The following SLAIN1 variants were observed in gnomAD, a reference collection of about 807,000 sequenced individuals.
The protein encoded by SLAIN1 is SLAIN family member 1, also known as SLAIN motif-containing protein 1.
Under a neutral mutation model 55.4 loss-of-function variants are expected in SLAIN1, and 17 were observed. The ratio of observed to expected loss-of-function variants is 0.31; its 90% CI spans 0.21 to 0.46. The LOEUF (loss-of-function observed/expected upper bound fraction) is 0.46, where lower values mean the gene tolerates loss of function less well. SLAIN1 is among the 20% of genes least tolerant of loss of function. The pLI, the probability that SLAIN1 is intolerant of heterozygous loss-of-function variation, is 1.00. For missense variants in SLAIN1, 682 were observed against 785.1 expected (o/e 0.87, Z 1.57); for synonymous variants, 348 against 337.4 (o/e 1.03, Z -0.35).
At chr13:77,761,263 A>G (rs1018188147) in intron 6 of SLAIN1, among the ~76,000 whole-genome samples, 153 bp downstream of exon 6, 1 of 152,126 alleles carries the variant, frequency 6.6e-6, no homozygotes, top group African/African-American at 2.4e-5. Context: ...AAAGTGATGG[A>G]TATCCCTGTG....
At chr13:77,753,912 C>T (rs1332807599) in intron 5 of SLAIN1, among the ~76,000 whole-genome samples, 2 of 152,154 alleles carry the variant, frequency 1.3e-5, no homozygotes, top group African/African-American at 4.8e-5. Context: ...GCTTACCCCA[C>T]ATTCTGTTAC....
intron 1 of SLAIN1, among the ~76,000 whole-genome samples, chr13:77,719,330 T>C (rs1217257950): frequency 6.6e-6 from 1 of 152,086 alleles, no homozygotes; most frequent in Non-Finnish European, 1.5e-5. Context: ...TAGACCTTTT[T>C]TTGGAAGTTC....
chr13:77,712,036 T>A (rs182985012), intron 1 of SLAIN1, among the ~76,000 whole-genome samples: 1 of 152,308 alleles, frequency 6.6e-6, no homozygotes, highest in Non-Finnish European at 1.5e-5. Context: ...GCTTAAAAAC[T>A]CTCAATAAAC....
At chr13:77,711,227 G>A (rs1383824708) in intron 1 of SLAIN1, among the ~76,000 whole-genome samples, 1 of 151,852 alleles carries the variant, frequency 6.6e-6, no homozygotes, top group Non-Finnish European at 1.5e-5. Flanking sequence ...AAATAACTAA[G>A]CAGAACTGAA....
At chr13:77,719,489 G>A in intron 1 of SLAIN1, 43 bp from the exon 2 acceptor site, 2 of 1,484,416 alleles carry the variant, frequency 1.3e-6, no homozygotes, top group Non-Finnish European at 1.9e-6. Flanking sequence ...GGTACTCTCT[G>A]TATACCTATA....
chr13:77,753,991 C>A (rs375608746), intron 5 of SLAIN1, among the ~76,000 whole-genome samples: 36 of 152,298 alleles, frequency 2.4e-4, no homozygotes, highest in African/African-American at 8.2e-4. Context: ...TGTATCTTCA[C>A]TTTATGTGGG....
chr13:77,758,777 T>G (rs1874792198), intron 5 of SLAIN1, among the ~76,000 whole-genome samples: 1 of 152,204 alleles, frequency 6.6e-6, no homozygotes, highest in Non-Finnish European at 1.5e-5. Flanking sequence ...TCTGTTCAAT[T>G]GGTCGATATG....
intron 2 of SLAIN1, among the ~76,000 whole-genome samples, chr13:77,731,524 C>T (rs1872860095): frequency 6.6e-6 from 1 of 152,076 alleles, no homozygotes; most frequent in South Asian, 2.1e-4. Context: ...ATCTAGAAAA[C>T]AGTAGCCTCG....
At chr13:77,729,939 G>A (rs1045115471) in intron 2 of SLAIN1, among the ~76,000 whole-genome samples, 4 of 151,984 alleles carry the variant, frequency 2.6e-5, no homozygotes, top group African/African-American at 9.7e-5. Context: ...CCATCTGTTC[G>A]TCCATCCAAC....
chr13:77,709,574 G>A (rs2091125936), intron 1 of SLAIN1, among the ~76,000 whole-genome samples: 1 of 152,194 alleles, frequency 6.6e-6, no homozygotes, highest in African/African-American at 2.4e-5. Context: ...AACCCTACAA[G>A]CCAGAAGAGA....
intron 1 of SLAIN1, chr13:77,699,145 T>A: frequency 7.6e-7 from 1 of 1,320,924 alleles, no homozygotes; most frequent in Non-Finnish European, 1.0e-6. Flanking sequence ...CTGACTTGCT[T>A]TTTAAAATGG....
intron 2 of SLAIN1, among the ~76,000 whole-genome samples, chr13:77,739,031 A>G (rs1033625368): frequency 2.0e-5 from 3 of 151,980 alleles, no homozygotes; most frequent in African/African-American, 7.2e-5. Context: ...TCTTAGTGTC[A>G]CCTGTTTAAC....
intron 3 of SLAIN1, among the ~76,000 whole-genome samples, chr13:77,745,158 A>G (rs985877895): frequency 6.6e-6 from 1 of 151,982 alleles, no homozygotes. Context: ...TGTTGGTACT[A>G]TTCATTGGTG....
Position 77,698,205 on chromosome 13 carries a change from C to G in SLAIN1, c.292C>G (p.Leu98Val), listed in dbSNP as rs1357603265. 8.1e-7 allele frequency: 1 copy of G among 1,240,828 alleles called. No individual in the cohort carries two copies. The highest frequency in any genetic ancestry group is 3.1e-5 in the South Asian group (1 of 31,934). The allele number at this position is 1,240,828 out of a possible 1,614,324, so 76.9% of individuals were successfully genotyped here. ...ATAAASGGLG[L>V]GLALGAGGGG... is the part of the protein sequence containing the mutation. ...CGCCGCGGCCTCAGGGGGCCTGGGG[C>G]TCGGGCTGGCGCTGGGCGCGGGGGG... Residue 98 changes from leucine (L) to valine (V), a missense_variant, in exon 1 of 7, where the codon CTC (leucine) becomes GTC (valine). Around this residue, in one of 3 missense-constraint regions of SLAIN1, gnomAD observed 401 missense variants for 417.3 expected, o/e 0.96. Transcript: ENST00000418532. This position sits in a 1 kb window ranked among gnomAD's most constrained non-coding sequence, Gnocchi z 4.1.
In SLAIN1 at chr13:77,746,729, T is replaced by G. The variant is rs774158059; in HGVS notation, c.1132T>G (p.Ser378Ala). The G allele has an allele frequency of 6.8e-6, 11 of 1,613,714 alleles. No homozygotes were observed. Among genetic ancestry groups the G allele is most frequent in the Non-Finnish European group, 9.3e-6 (11 of 1,179,866 alleles). ...AGGAATTCCCCATTCACAGACTTTC[T>G]CCAGCATTCGGGAGTGTAGGAGGAG... ...QRGIPHSQTF[S>A]SIRECRRSPS... The change falls in exon 4 of 7, where the codon TCC (serine) becomes GCC (alanine). Residue 378 changes from serine to alanine, a missense_variant. By Grantham distance (99) the Ser-to-Ala change is moderately conservative. Coordinates refer to ENST00000418532, the MANE Select transcript of SLAIN1 (RefSeq NM_001242868.2).
intron 2 of SLAIN1, among the ~76,000 whole-genome samples, chr13:77,728,852 G>A (rs919505344): frequency 3.9e-5 from 6 of 152,120 alleles, no homozygotes; most frequent in Admixed American, 6.6e-5. Context: ...TTCTAGTCTC[G>A]AGATGCTCTG....
chr13:77,733,137 T>C (rs1466026992), intron 2 of SLAIN1, among the ~76,000 whole-genome samples: 1 of 152,172 alleles, frequency 6.6e-6, no homozygotes, highest in African/African-American at 2.4e-5. Flanking sequence ...ATAAATGTTA[T>C]TCAGTAGTAC....
intron 1 of SLAIN1, among the ~76,000 whole-genome samples, chr13:77,711,349 GAGAGAAGAA>G (rs1359187177): frequency 6.6e-6 from 1 of 152,134 alleles, no homozygotes; most frequent in Non-Finnish European, 1.5e-5. Flanking sequence ...AAGAAGAAAA[GAGAGAAGAA>G]TCAAATACAC....
intron 5 of SLAIN1, among the ~76,000 whole-genome samples, chr13:77,757,032 C>T (rs945510823): frequency 2.6e-5 from 4 of 152,108 alleles, no homozygotes. Flanking sequence ...TATTATGCTT[C>T]AGAAGAAATT....
Sources: allele counts gnomAD v4.1 joint callset (sites outside exome capture counted in the v4.1 genomes callset), GRCh38; gene constraint gnomAD v4.1.1; regional missense constraint gnomAD v4.1.1; non-coding constraint Gnocchi (gnomAD v3.1); transcripts MANE v1.5; gene names NCBI Gene and HGNC (gene_info 2026-07-23, HGNC 2026-07-21).